CRAMP1: variants seen among roughly 807,000 people sequenced by gnomAD.
CRAMP1 encodes the protein cramped chromatin regulator 1, also known as protein cramped-like.
CRAMP1 carries 50 observed loss-of-function variants against 115.4 expected under a neutral mutation model. The ratio of observed to expected loss-of-function variants is 0.43; its 90% CI spans 0.35 to 0.55. The LOEUF (loss-of-function observed/expected upper bound fraction) is 0.55. Ranked by LOEUF, CRAMP1 falls within the 20% of genes least tolerant of loss-of-function variation. CRAMP1 has a pLI of 0.01. For synonymous variants in CRAMP1, 866 were observed against 745.4 expected, an observed-to-expected ratio of 1.16 and a Z score of -2.64; for missense variants, 1,679 against 1,721.7, an observed-to-expected ratio of 0.98 and a Z score of 0.44.
intron 4 of CRAMP1, among the ~76,000 whole-genome samples, chr16:1,635,980 G>C (rs556573797): frequency 9.2e-5 from 14 of 152,312 alleles, no homozygotes; most frequent in African/African-American, 2.9e-4. Flanking sequence ...CCAGTCCTTT[G>C]TATGGCTGGA....
chr16:1,643,905 ACTGTGGGCCTAGG>A (rs1160307349), intron 6 of CRAMP1, among the ~76,000 whole-genome samples: 1 of 152,220 alleles, frequency 6.6e-6, no homozygotes, highest in African/African-American at 2.4e-5. Flanking sequence ...GAGATGACTG[ACTGTGGGCCTAGG>A]CGGTGGGCCT....
Position 1,666,407 on chromosome 16 carries a change from C to G in CRAMP1, c.2858-15C>G, listed in dbSNP as rs758241612. The G allele has an allele frequency of 6.2e-7, 1 of 1,608,520 alleles. No individual in the cohort carries two copies. The highest frequency in any genetic ancestry group is 1.7e-5 in the Admixed American group (1 of 59,276). On this transcript the variant is annotated splice_polypyrimidine_tract_variant and intron_variant, in intron 15 of 20. Coordinates refer to ENST00000397412, the MANE Select transcript of CRAMP1 (RefSeq NM_020825.4). The surrounding 1 kb of genome is among the most constrained non-coding windows in gnomAD (Gnocchi z 5.0). The stretch of plus-strand genomic sequence containing the variant: ...TCAGTAGAGCAGAGATGTGCAGCGT[C>G]CTTTTTGTTGCCAGGTGCTATCGAC...
intron 4 of CRAMP1, among the ~76,000 whole-genome samples, chr16:1,634,323 C>G (rs960132246): frequency 6.6e-6 from 1 of 152,222 alleles, no homozygotes; most frequent in African/African-American, 2.4e-5. Flanking sequence ...CAGGCTCTCT[C>G]CCATGTCAAT....
intron 1 of CRAMP1, among the ~76,000 whole-genome samples, chr16:1,613,500 C>T (rs2036381723): frequency 6.6e-6 from 1 of 152,242 alleles, no homozygotes; most frequent in African/African-American, 2.4e-5. Context: ...GGGTCAGTAT[C>T]TGCTGAGGAA....
intron 19 of CRAMP1, among the ~76,000 whole-genome samples, chr16:1,670,059 G>A (rs1297527672): frequency 2.0e-5 from 3 of 152,080 alleles, no homozygotes; most frequent in Admixed American, 6.5e-5. Flanking sequence ...GAGGCCAGGA[G>A]TTTGAGACCA....
In CRAMP1 at chr16:1,677,823, T is replaced by C. The variant is rs2036983340; in HGVS notation, c.*3778T>C. The C allele has an allele frequency of 6.5e-6, 1 of 153,368 alleles. No homozygotes were observed. The highest frequency in any genetic ancestry group is 6.5e-5 in the Admixed American group (1 of 15,306). 9.5% of individuals were successfully genotyped at this position (153,368 alleles called of 1,614,324 possible). A position where few individuals can be genotyped will look rare whatever the true frequency, so the allele number is the denominator to read the frequency against. ...AAGGTGTTTTGGTTATTTAATATAA[T>C]AAGAGCTGTTAAACTTCTGTTTAAA... On this transcript the variant is annotated 3_prime_UTR_variant, in exon 21 of 21. Coordinates refer to ENST00000397412, the MANE Select transcript of CRAMP1 (RefSeq NM_020825.4).
chr16:1,667,471 C>T, intron 17 of CRAMP1, 71 bp downstream of exon 17: 1 of 1,251,344 alleles, frequency 8.0e-7, no homozygotes, highest in Non-Finnish European at 1.2e-6. Context: ...TGAGCTGCCA[C>T]CTGCAGTCTT....
At chr16:1,642,878 G>A (rs562088377) in intron 6 of CRAMP1, among the ~76,000 whole-genome samples, 4 of 152,344 alleles carry the variant, frequency 2.6e-5, no homozygotes, top group South Asian at 2.1e-4. Context: ...TCCGATGAGC[G>A]TTCCTTTTGC....
intron 5 of CRAMP1, among the ~76,000 whole-genome samples, chr16:1,638,385 A>G (rs955186183): frequency 1.3e-5 from 2 of 152,242 alleles, no homozygotes; most frequent in African/African-American, 4.8e-5. Context: ...GTTGCCCTGC[A>G]TGTGACTGTG....
At chr16:1,622,515 G>A (rs1434746836) in intron 2 of CRAMP1, among the ~76,000 whole-genome samples, 2 of 152,130 alleles carry the variant, frequency 1.3e-5, no homozygotes, top group African/African-American at 2.4e-5. Flanking sequence ...TTACACAACA[G>A]CAACCAAAAA....
intron 10 of CRAMP1, among the ~76,000 whole-genome samples, chr16:1,658,854 A>G (rs2036798920): frequency 6.6e-6 from 1 of 152,154 alleles, no homozygotes; most frequent in Admixed American, 6.5e-5. Flanking sequence ...TTCTTAGTCC[A>G]TAGGGAGGTT....
At chr16:1,624,288 T>C (rs7185195) in intron 2 of CRAMP1, among the ~76,000 whole-genome samples, 49,942 of 151,932 alleles carry the variant, frequency 0.33, 10,976 homozygotes, top group African/African-American at 0.6. Flanking sequence ...ACTGAGCCTC[T>C]AGCCTGCGTG....
intron 6 of CRAMP1, among the ~76,000 whole-genome samples, chr16:1,645,951 C>T (rs1269880479): frequency 8.5e-5 from 13 of 152,172 alleles, no homozygotes; most frequent in Admixed American, 7.9e-4. Context: ...CACACCTTGC[C>T]CCAAGCACCC....
intron 6 of CRAMP1, among the ~76,000 whole-genome samples, chr16:1,642,098 G>A (rs1316115981): frequency 1.3e-5 from 2 of 152,178 alleles, no homozygotes; most frequent in Admixed American, 6.5e-5. Context: ...ACAGATATTG[G>A]GTCTGCACAA....
intron 7 of CRAMP1, 138 bp downstream of exon 7, chr16:1,652,719 C>T: frequency 1.3e-6 from 1 of 770,026 alleles, no homozygotes; most frequent in Non-Finnish European, 2.1e-6. Flanking sequence ...GCACATGGAC[C>T]ACTCTTGAAC....
In CRAMP1 at chr16:1,619,831, G is replaced by A. The variant is rs1021739752; in HGVS notation, c.346+4846G>A. Among the ~76,000 whole-genome samples the A allele has an allele frequency of 2.0e-5, 3 of 152,244 alleles. No individual in the cohort carries two copies. The South Asian group carries it at 6.2e-4, about 32-fold the overall frequency. ...GTGTCGTGGAGACCATTAGGTTTTA[G>A]GTCAGCTTCAGAACCTGGAAGAGGA... On this transcript the variant is annotated intron_variant, in intron 2 of 20. Transcript: ENST00000397412.
At chr16:1,620,131 C>T (rs1596481411) in intron 2 of CRAMP1, among the ~76,000 whole-genome samples, 1 of 152,122 alleles carries the variant, frequency 6.6e-6, no homozygotes, top group Non-Finnish European at 1.5e-5. Flanking sequence ...CCACCAAGCC[C>T]TCACCCACAA....
chr16:1,660,375 T>C (rs1193271737), intron 11 of CRAMP1, among the ~76,000 whole-genome samples: 1 of 152,204 alleles, frequency 6.6e-6, no homozygotes, highest in Admixed American at 6.5e-5. Context: ...TGTGCTGAGT[T>C]GGTGGTTCAA....
Position 1,673,878 on chromosome 16 carries a change from C to T in CRAMP1, c.3646-3C>T, listed in dbSNP as rs1447658732. 6.2e-7 allele frequency: 1 copy of T among 1,613,694 alleles called. No individual in the cohort carries two copies. Among genetic ancestry groups the T allele is most frequent in the Non-Finnish European group, 8.5e-7 (1 of 1,179,746 alleles). ...TTGTTCTTCCTGTCTCCTCTTCCTG[C>T]AGGTTGTGGATTCCCAGCTGGTGTG... On this transcript the variant is annotated splice_polypyrimidine_tract_variant and splice_region_variant and intron_variant, in intron 20 of 20. Coordinates refer to ENST00000397412, the MANE Select transcript of CRAMP1 (RefSeq NM_020825.4).
Sources: allele counts gnomAD v4.1 joint callset (sites outside exome capture counted in the v4.1 genomes callset), GRCh38; gene constraint gnomAD v4.1.1; non-coding constraint Gnocchi (gnomAD v3.1); transcripts MANE v1.5; gene names NCBI Gene and HGNC (gene_info 2026-07-23, HGNC 2026-07-21).